Variants in LHFPL2 observed in about 807,000 individuals in gnomAD.
LHFPL2 encodes LHFPL tetraspan subfamily member 2, also known as LHFPL tetraspan subfamily member 2 protein.
In LHFPL2, 7 loss-of-function variants were observed where a neutral mutation model predicts 17.5. The observed-to-expected ratio is 0.40, with a 90% CI of 0.23 to 0.75. LHFPL2 has a LOEUF of 0.75. Ranked by LOEUF, LHFPL2 falls within the 30% of genes least tolerant of loss-of-function variation. The probability of loss-of-function intolerance (pLI) is 0.37; values close to 1 mark genes in which losing one functional copy is unlikely to be tolerated. For synonymous variants in LHFPL2, 134 were observed against 116.2 expected, an observed-to-expected ratio of 1.15 and a Z score of -0.99; for missense variants, 241 against 294.8, an observed-to-expected ratio of 0.82 and a Z score of 1.34.
At chr5:78,547,278 T>G (rs1442908106) in intron 3 of LHFPL2, among the ~76,000 whole-genome samples, 2 of 152,222 alleles carry the variant, frequency 1.3e-5, no homozygotes, top group African/African-American at 4.8e-5. Context: ...ACCACGATCT[T>G]GTGCTTCCTA....
chr5:78,499,406 T>C (rs1754705115), intron 4 of LHFPL2, among the ~76,000 whole-genome samples: 1 of 152,196 alleles, frequency 6.6e-6, no homozygotes, highest in South Asian at 2.1e-4. Context: ...ACTAATATCA[T>C]TTGACATATG....
intron 3 of LHFPL2, among the ~76,000 whole-genome samples, chr5:78,521,134 T>C (rs1188920394): frequency 1.3e-5 from 2 of 152,258 alleles, no homozygotes; most frequent in East Asian, 3.8e-4. Context: ...GGGAGACTCC[T>C]TTTTAAGTGA....
intron 3 of LHFPL2, among the ~76,000 whole-genome samples, chr5:78,531,330 G>T (rs926486418): frequency 6.7e-6 from 1 of 150,178 alleles, no homozygotes; most frequent in African/African-American, 2.5e-5. Flanking sequence ...CAGGAGAATC[G>T]CTTGAATCCA....
At chr5:78,515,738 G>T (rs10942861) in intron 3 of LHFPL2, among the ~76,000 whole-genome samples, 62,140 of 152,062 alleles carry the variant, frequency 0.41, 13,287 homozygotes, top group African/African-American at 0.52. Flanking sequence ...GCCAGAATCT[G>T]CATTTCTAAC....
intron 3 of LHFPL2, among the ~76,000 whole-genome samples, chr5:78,534,715 C>G (rs1755892863): frequency 6.6e-6 from 1 of 152,230 alleles, no homozygotes; most frequent in Non-Finnish European, 1.5e-5. Context: ...CCAGGGCCTT[C>G]TCAGCCCAAA....
At chr5:78,643,082 G>C (rs576192756) in intron 1 of LHFPL2, among the ~76,000 whole-genome samples, 2 of 151,918 alleles carry the variant, frequency 1.3e-5, no homozygotes, top group Non-Finnish European at 2.9e-5. Flanking sequence ...CACAGCTTTC[G>C]AGATGAAATA....
chr5:78,623,504 T>A (rs139988205), intron 2 of LHFPL2, among the ~76,000 whole-genome samples: 3 of 152,244 alleles, frequency 2.0e-5, no homozygotes, highest in Non-Finnish European at 4.4e-5. Flanking sequence ...ATTGAAACTA[T>A]GTCACATGCA....
chr5:78,586,769 T>C (rs558793798), intron 2 of LHFPL2, among the ~76,000 whole-genome samples: 1 of 152,352 alleles, frequency 6.6e-6, no homozygotes, highest in African/African-American at 2.4e-5. Flanking sequence ...CTATTCAACT[T>C]TGGCTCCTTT....
intron 2 of LHFPL2, among the ~76,000 whole-genome samples, chr5:78,572,960 A>G (rs1757040913): frequency 6.6e-6 from 1 of 152,166 alleles, no homozygotes; most frequent in South Asian, 2.1e-4. Flanking sequence ...TTGTGCTCCT[A>G]TGAGAATCTA....
intron 2 of LHFPL2, among the ~76,000 whole-genome samples, chr5:78,579,143 C>G (rs966738015): frequency 2.0e-5 from 3 of 152,064 alleles, no homozygotes; most frequent in African/African-American, 7.3e-5. Flanking sequence ...TTAAGCAAAG[C>G]AAAACACCCT....
At chr5:78,594,447 A>C (rs1743758804) in intron 2 of LHFPL2, among the ~76,000 whole-genome samples, 3 of 152,246 alleles carry the variant, frequency 2.0e-5, no homozygotes. Context: ...CATACATAAT[A>C]GATAGAAGCT....
chr5:78,609,225 C>A lies in LHFPL2; in HGVS notation c.-245+23039G>T, dbSNP rs147627189. ...ATGCCTATAATCCCAACAGTTTGGGCAGATCACCTGAGGTCAGGAGTTCTA... is the reference window on the plus strand; with the variant it reads ...ATGCCTATAATCCCAACAGTTTGGGAAGATCACCTGAGGTCAGGAGTTCTA... On this transcript the variant is annotated intron_variant, in intron 2 of 4. Coordinates refer to ENST00000380345, the MANE Select transcript of LHFPL2 (RefSeq NM_005779.3). Among the ~76,000 whole-genome samples, 887 of 151,878 alleles carry A rather than the reference C, an allele frequency of 5.8e-3. 8 individuals carry two copies. Among genetic ancestry groups the A allele is most frequent in the African/African-American group, 0.02 (830 of 41,426 alleles).
chr5:78,492,744 ATATT>A (rs1283852782), intron 4 of LHFPL2, among the ~76,000 whole-genome samples: 1 of 152,246 alleles, frequency 6.6e-6, no homozygotes, highest in African/African-American at 2.4e-5. Context: ...TTCAGCTTGA[ATATT>A]TATAAGCCCA....
chr5:78,589,485 T>G (rs1743550846), intron 2 of LHFPL2, among the ~76,000 whole-genome samples: 1 of 150,734 alleles, frequency 6.6e-6, no homozygotes, highest in Non-Finnish European at 1.5e-5. Context: ...AAAAAAAAAT[T>G]AGAAGTCATC....
At chr5:78,580,389 C>T (rs1743074712) in intron 2 of LHFPL2, among the ~76,000 whole-genome samples, 4 of 152,090 alleles carry the variant, frequency 2.6e-5, no homozygotes, top group African/African-American at 9.6e-5. Context: ...GTTGCCATTG[C>T]TTTTGGTGTT....
rs370489367 is a variant in LHFPL2, at chr5:78,618,933, T to C, written c.-245+13331A>G. ...GACGGGACACAGCAGAATGGTATTA[T>C]ACAGACTTGGAGTTTAGAAATAGGC... On this transcript the variant is annotated intron_variant, in intron 2 of 4. Transcript: ENST00000380345. Among the ~76,000 whole-genome samples the C allele has an allele frequency of 4.0e-3, 602 of 152,302 alleles. 4 individuals are homozygous for C. The highest frequency in any genetic ancestry group is 0.016 in the South Asian group (79 of 4,822).
rs1410974536 is a variant in LHFPL2, at chr5:78,644,372, T to C, written c.-350+4127A>G. ...CATCAGGCTTTCCTTTAGCTCACTATGCAGCAATATCCTTTTCATATTTTT... is the reference window on the plus strand; with the variant it reads ...CATCAGGCTTTCCTTTAGCTCACTACGCAGCAATATCCTTTTCATATTTTT... On this transcript the variant is annotated intron_variant, in intron 1 of 4. Transcript: ENST00000380345. 4.9e-6 allele frequency: 5 copies of C among 1,015,094 alleles called. No homozygotes were observed. The Admixed American group carries it at 6.5e-5, about 13-fold the overall frequency. 62.9% of individuals were successfully genotyped at this position (1,015,094 alleles called of 1,614,324 possible).
At chr5:78,501,420 GC>G (rs1389742642) in intron 4 of LHFPL2, among the ~76,000 whole-genome samples, 1 of 152,190 alleles carries the variant, frequency 6.6e-6, no homozygotes, top group Non-Finnish European at 1.5e-5. Flanking sequence ...CTGGCTGAGG[GC>G]CCTTCTGCGG....
intron 3 of LHFPL2, among the ~76,000 whole-genome samples, chr5:78,512,443 C>T (rs779988090): frequency 8.0e-5 from 12 of 150,932 alleles, no homozygotes; most frequent in South Asian, 2.1e-4. Context: ...TATCCTACTC[C>T]GACTCACTCA....
Sources: allele counts gnomAD v4.1 joint callset (sites outside exome capture counted in the v4.1 genomes callset), GRCh38; gene constraint gnomAD v4.1.1; transcripts MANE v1.5; gene names NCBI Gene and HGNC (gene_info 2026-07-23, HGNC 2026-07-21).